Variants in WDR49 observed in about 807,000 individuals in gnomAD.
The protein encoded by WDR49 is WD repeat domain 49.
In WDR49, 107 loss-of-function variants were observed where a neutral mutation model predicts 119.5. The observed-to-expected ratio is 0.90, with a 90% CI of 0.77 to 1.05. The LOEUF (loss-of-function observed/expected upper bound fraction) is 1.05, where lower values mean the gene tolerates loss of function less well. WDR49 is among the 50% of genes least tolerant of loss of function. WDR49 has a pLI of 0.00. For missense variants in WDR49, 1,240 were observed against 1,220.5 expected (o/e 1.02, Z -0.24); for synonymous variants, 425 against 418.8 (o/e 1.01, Z -0.18).
intron 10 of WDR49, among the ~76,000 whole-genome samples, chr3:167,549,576 G>A (rs539094363): frequency 7.2e-5 from 11 of 152,150 alleles, no homozygotes; most frequent in Non-Finnish European, 1.2e-4. Flanking sequence ...TAAGTTCTTC[G>A]TAGATTCTGG....
At position 167,597,815 on chromosome 3, in the gene WDR49, G is replaced by A. The variant is rs557966942; in HGVS notation, c.1275+4312C>T. Among the ~76,000 whole-genome samples the A allele has an allele frequency of 9.9e-4, 151 of 152,286 alleles. 1 individual carries two copies. The highest frequency in any genetic ancestry group is 3.4e-3 in the Middle Eastern group (1 of 294). ...TGTTGTGGCCAATTTCTCCCTTTTG[G>A]AATGGTAACATTTACTCAATGCCTG... On this transcript the variant is annotated intron_variant, in intron 7 of 18. Coordinates refer to ENST00000682715, the MANE Select transcript of WDR49 (RefSeq NM_001366157.1).
chr3:167,560,257 T>C, intron 8 of WDR49, 29 bp from the exon 9 acceptor site: 1 of 1,593,564 alleles, frequency 6.3e-7, no homozygotes, highest in Non-Finnish European at 8.6e-7. Flanking sequence ...TTAAAGAAAT[T>C]AAATATAGTC....
At chr3:167,619,940 CTAGAT>C (rs1261112489) in intron 5 of WDR49, among the ~76,000 whole-genome samples, 1 of 151,170 alleles carries the variant, frequency 6.6e-6, no homozygotes, top group Non-Finnish European at 1.5e-5. Flanking sequence ...CTCAAGTACT[CTAGAT>C]TAGAGAAATT....
intron 8 of WDR49, among the ~76,000 whole-genome samples, chr3:167,563,030 T>C (rs1713361026): frequency 6.6e-6 from 1 of 152,176 alleles, no homozygotes; most frequent in South Asian, 2.1e-4. Context: ...TATCTTGCTT[T>C]CCTCCAACTA....
chr3:167,612,446 C>T (rs1490450863), intron 5 of WDR49, among the ~76,000 whole-genome samples: 1 of 148,398 alleles, frequency 6.7e-6, no homozygotes, highest in African/African-American at 2.5e-5. Context: ...TAAAACAAAC[C>T]CAAAATTAGT....
chr3:167,648,398 T>C (rs1195081287), intron 2 of WDR49, among the ~76,000 whole-genome samples: 2 of 152,140 alleles, frequency 1.3e-5, no homozygotes, highest in Non-Finnish European at 2.9e-5. Context: ...AAGAATTATA[T>C]AATAAAATAG....
chr3:167,554,795 A>G lies in WDR49; in HGVS notation c.1678T>C (p.Trp560Arg). The change falls in exon 10 of 19, where the codon TGG becomes CGG. Residue 560 changes from tryptophan to arginine, a missense_variant. Transcript: ENST00000682715. ...TGSTDGTVKI[W>R]DFNGYCHHTL... ...TGGTGACAATATCCATTGAAGTCCCATATCTTTAAGAGAAAAATTAAAACC... is the reference window on the plus strand; with the variant it reads ...TGGTGACAATATCCATTGAAGTCCCGTATCTTTAAGAGAAAAATTAAAACC... 6.2e-7 allele frequency: 1 copy of G among 1,601,868 alleles called. No homozygotes were observed.
intron 9 of WDR49, 60 bp from the exon 10 acceptor site, chr3:167,554,858 C>T (rs929102895): frequency 4.0e-6 from 5 of 1,248,240 alleles, no homozygotes; most frequent in Middle Eastern, 3.9e-4. Flanking sequence ...ATATTCTGAA[C>T]CAGGATTAAT....
intron 3 of WDR49, among the ~76,000 whole-genome samples, chr3:167,624,420 T>G (rs931425865): frequency 6.6e-6 from 1 of 151,730 alleles, no homozygotes; most frequent in African/African-American, 2.4e-5. Flanking sequence ...AAAATCCAAA[T>G]TAATCTATAG....
At position 167,576,135 on chromosome 3, in the gene WDR49, T is replaced by G; in HGVS notation, c.1292A>C (p.Asp431Ala). ...FSKDKVLRLW[D>A]IQHQLSIQRI... is the part of the protein sequence containing the mutation. ...CTGGATGGACAGCTGGTGTTGAATATCCCAGAGTCTCAAAACCTGGATGAA... is the reference window on the plus strand; with the variant it reads ...CTGGATGGACAGCTGGTGTTGAATAGCCCAGAGTCTCAAAACCTGGATGAA... The change falls in exon 8 of 19, where the codon GAT (aspartate) becomes GCT (alanine). Residue 431 changes from aspartate to alanine, a missense_variant. By Grantham distance (126) the Asp-to-Ala change is moderately radical. Transcript: ENST00000682715. 6.2e-7 allele frequency: 1 copy of G among 1,613,850 alleles called. No homozygotes were observed.
rs115962761 is a variant in WDR49 at position 167,542,474 on chromosome 3, T to C, written c.1824-5474A>G. On this transcript the variant is annotated intron_variant, in intron 10 of 18. Transcript: ENST00000682715. ...TAGTGGAATAAAATTGGAAATTAGC[T>C]CCAAAAGGAACCCTCAAAACTATAC... Among the ~76,000 whole-genome samples, 1,203 of 152,134 alleles carry C rather than the reference T, an allele frequency of 7.9e-3. 5 individuals carry two copies. The highest frequency in any genetic ancestry group is 0.013 in the Non-Finnish European group (886 of 67,970).
chr3:167,627,806 C>T (rs146443861), intron 2 of WDR49, among the ~76,000 whole-genome samples: 2 of 152,028 alleles, frequency 1.3e-5, no homozygotes, highest in South Asian at 2.1e-4. Flanking sequence ...GAAATTAGTA[C>T]AGGCATATCT....
intron 18 of WDR49, among the ~76,000 whole-genome samples, chr3:167,480,631 A>G (rs1475672857): frequency 2.0e-5 from 3 of 152,238 alleles, no homozygotes. Context: ...TAACTTTGCA[A>G]ATAAATTCTA....
At chr3:167,528,481 C>T (rs893926213) in intron 14 of WDR49, among the ~76,000 whole-genome samples, 23 of 151,378 alleles carry the variant, frequency 1.5e-4, no homozygotes, top group African/African-American at 5.3e-4. Flanking sequence ...AAGGTGTAGC[C>T]TCACCCCAGG....
chr3:167,558,555 T>C (rs937441872), intron 9 of WDR49, among the ~76,000 whole-genome samples: 1 of 152,212 alleles, frequency 6.6e-6, no homozygotes, highest in African/African-American at 2.4e-5. Context: ...TAAATTCACA[T>C]TAACTTCTAA....
At chr3:167,545,315 T>C (rs940322558) in intron 10 of WDR49, among the ~76,000 whole-genome samples, 1 of 151,428 alleles carries the variant, frequency 6.6e-6, no homozygotes, top group Non-Finnish European at 1.5e-5. Context: ...AAACTAGATA[T>C]ACCATTTGAT....
intron 18 of WDR49, among the ~76,000 whole-genome samples, chr3:167,488,748 T>G (rs779474359): frequency 1.1e-4 from 16 of 151,968 alleles, no homozygotes; most frequent in Admixed American, 3.9e-4. Context: ...TCTGAAGGCT[T>G]CCCTTTATAC....
intron 18 of WDR49, among the ~76,000 whole-genome samples, chr3:167,480,603 C>A (rs975782971): frequency 2.6e-5 from 4 of 151,990 alleles, no homozygotes; most frequent in Non-Finnish European, 4.4e-5. Flanking sequence ...TGAAAGCAAC[C>A]AGGAAAATTA....
At chr3:167,522,620 C>A (rs376628338) in intron 15 of WDR49, 136 bp from the exon 16 acceptor site, 29 of 764,856 alleles carry the variant, frequency 3.8e-5, no homozygotes, top group Non-Finnish European at 5.5e-5. Flanking sequence ...AGATATGACT[C>A]CGGTCCACAA....
Sources: gnomAD v4.1 joint callset for allele counts (sites outside exome capture counted in the v4.1 genomes callset) on GRCh38, gnomAD v4.1.1 for gene constraint, MANE v1.5 for transcripts, NCBI Gene and HGNC (gene_info 2026-07-23, HGNC 2026-07-21) for gene names.